NBPF20: variants seen among roughly 807,000 people sequenced by gnomAD.
NBPF20 encodes NBPF member 20.
A neutral mutation model predicts 68.1 loss-of-function variants in NBPF20; 90 were observed. The ratio of observed to expected loss-of-function variants is 1.32; its 90% CI spans 1.11 to 1.58. NBPF20 has a LOEUF of 1.58. NBPF20 is among the 40% of genes most tolerant of loss of function. The pLI, the probability that NBPF20 is intolerant of heterozygous loss-of-function variation, is 0.00. For synonymous variants in NBPF20, 290 were observed against 228.1 expected (o/e 1.27, Z -2.45); for missense variants, 816 against 601.2 (o/e 1.36, Z -3.74).
chr1:145,310,972 T>C (rs1661461634), intron 113 of NBPF20, 142 bp from the exon 119 acceptor site: 2 of 559,066 alleles, frequency 3.6e-6, no homozygotes, highest in African/African-American at 9.2e-5. Flanking sequence ...TTATTGCCTT[T>C]ATGTTGGGAT....
intron 75 of NBPF20, among the ~76,000 whole-genome samples, chr1:145,341,212 C>T (rs1475961429): frequency 6.9e-5 from 4 of 57,954 alleles, no homozygotes; most frequent in African/African-American, 2.2e-4. Context: ...AGGTGACATA[C>T]TGGTAAGGGA....
chr1:145,412,475 G>C, the NBPF20 span, among the ~76,000 whole-genome samples: 1 of 151,916 alleles, frequency 6.6e-6, no homozygotes, highest in Non-Finnish European at 1.5e-5. Flanking sequence ...ATTATAAACT[G>C]TATCATCTTA....
intron 7 of NBPF20, among the ~76,000 whole-genome samples, chr1:145,397,225 A>T (rs1437989627): frequency 2.0e-4 from 30 of 150,658 alleles, no homozygotes; most frequent in Middle Eastern, 3.4e-3. Flanking sequence ...GCCACAATAA[A>T]CATATGTGTG....
In NBPF20 at chr1:145,393,066, G is replaced by A. The variant is rs1266807179; in HGVS notation, c.1216+8C>T. 3.7e-6 allele frequency: 2 copies of A among 540,266 alleles called. No individual in the cohort carries two copies. Among genetic ancestry groups the A allele is most frequent in the Non-Finnish European group, 3.1e-6 (1 of 321,076 alleles). 33.5% of individuals were successfully genotyped at this position (540,266 alleles called of 1,614,324 possible). ...GGATCCTTATCACCTTCATAGAAAG[G>A]TACTCACCATCCATGTCAACAGCCA... On this transcript the variant is annotated splice_region_variant and intron_variant, in intron 10 of 137. Coordinates refer to ENST00000369373, the Ensembl canonical transcript of NBPF20.
At chr1:145,338,354 G>T (rs1267328351) in intron 79 of NBPF20, 100 bp downstream of exon 84, 15 of 1,540 alleles carry the variant, frequency 9.7e-3, no homozygotes, top group East Asian at 0.052. Flanking sequence ...CAGGCTTGCT[G>T]GAAAAGATGT....
chr1:145,298,341 C>A (rs1171296386), intron 129 of NBPF20, among the ~76,000 whole-genome samples: 3 of 140,674 alleles, frequency 2.1e-5, no homozygotes, highest in Admixed American at 1.4e-4. Context: ...GACACACACA[C>A]ACACACACAC....
intron 9 of NBPF20, 53 bp from the exon 15 acceptor site, chr1:145,393,299 C>T (rs1236735079): frequency 3.0e-6 from 2 of 670,654 alleles, no homozygotes; most frequent in East Asian, 2.7e-5. Context: ...AGAAACCACA[C>T]AGCCCCAGCT....
chr1:145,335,174 GT>G (rs1661573403), intron 83 of NBPF20, 67 bp downstream of exon 88: 2 of 280,456 alleles, frequency 7.1e-6, no homozygotes, highest in African/African-American at 8.4e-5. Context: ...ACACACTCTT[GT>G]TTTCCCTGGA....
intron 7 of NBPF20, among the ~76,000 whole-genome samples, chr1:145,396,737 T>C (rs1353448713): frequency 8.1e-6 from 1 of 123,898 alleles, no homozygotes; most frequent in East Asian, 2.3e-4. Flanking sequence ...TTTTCCTTTA[T>C]TATTTTTTGT....
the NBPF20 span, among the ~76,000 whole-genome samples, chr1:145,411,553 G>C: frequency 2.6e-3 from 215 of 81,764 alleles, 1 homozygote; most frequent in African/African-American, 0.01. Context: ...ACCATGCCTA[G>C]CTAATTTTTT....
chr1:145,334,877 G>C (rs1386212640), intron 83 of NBPF20, among the ~76,000 whole-genome samples: 5 of 138,192 alleles, frequency 3.6e-5, no homozygotes, highest in Non-Finnish European at 5.0e-5. Flanking sequence ...TAAGCTCAGC[G>C]AGTTGGCCGG....
intron 3 of NBPF20, 59 bp downstream of exon 8, chr1:145,403,157 G>T (rs199792937): frequency 3.7e-6 from 6 of 1,602,554 alleles, no homozygotes; most frequent in Non-Finnish European, 5.1e-6. Context: ...CCACCGAGCT[G>T]CTGTATTTCA....
intron 2 of NBPF20, among the ~76,000 whole-genome samples, chr1:145,403,807 G>T (rs1170041496): frequency 1.3e-5 from 2 of 151,486 alleles, no homozygotes; most frequent in African/African-American, 4.9e-5. Flanking sequence ...CTTCAGTTAT[G>T]ATTTTAAGAA....
At chr1:145,410,766 GTA>G in the NBPF20 span, among the ~76,000 whole-genome samples, 48 of 111,526 alleles carry the variant, frequency 4.3e-4, 1 homozygote, top group African/African-American at 7.9e-4. Flanking sequence ...ATATATATAC[GTA>G]TATATATATA....
At position 145,366,547 on chromosome 1, in the gene NBPF20, T is replaced by C. The variant is rs1298201684; in HGVS notation, c.5154-195A>G. ...GAAAAGAATGAAAGAGAAAGACAGA[T>C]AGACACACACACACACACACACACA... On this transcript the variant is annotated intron_variant, in intron 43 of 137. Coordinates refer to ENST00000369373, the Ensembl canonical transcript of NBPF20. Among the ~76,000 whole-genome samples, 144 of 80,568 alleles carry C rather than the reference T, an allele frequency of 1.8e-3. 1 individual carries two copies. The highest frequency in any genetic ancestry group is 2.5e-3 in the Non-Finnish European group (102 of 40,866). The allele number at this position is 80,568 out of a possible 152,430, so 52.9% of individuals were successfully genotyped here. A position where few individuals can be genotyped will look rare whatever the true frequency, so the allele number is the denominator to read the frequency against.
chr1:145,399,728 G>T, intron 6 of NBPF20, among the ~76,000 whole-genome samples: 1 of 130,758 alleles, frequency 7.6e-6, no homozygotes, highest in Non-Finnish European at 1.6e-5. Flanking sequence ...ACCAAGCCAA[G>T]ATGGTGCCAC....
intron 137 of NBPF20, among the ~76,000 whole-genome samples, chr1:145,292,065 C>A (rs587738562): frequency 6.7e-6 from 1 of 149,326 alleles, no homozygotes; most frequent in African/African-American, 2.6e-5. Context: ...GAGTTAGTGT[C>A]CTCATGACAC....
chr1:145,393,371 T>C (rs1168493819), intron 9 of NBPF20, 125 bp from the exon 15 acceptor site: 79 of 710,530 alleles, frequency 1.1e-4, no homozygotes, highest in African/African-American at 1.1e-3. Context: ...ATTAATGAGG[T>C]AAGAAATTAT....
chr1:145,422,293 A>T, the NBPF20 span, among the ~76,000 whole-genome samples: 1 of 150,772 alleles, frequency 6.6e-6, no homozygotes, highest in African/African-American at 2.4e-5. Context: ...CTCAAATAAC[A>T]TCTAATTCAA....
Sources: allele counts gnomAD v4.1 joint callset (sites outside exome capture counted in the v4.1 genomes callset), GRCh38; gene constraint gnomAD v4.1.1; transcripts MANE v1.5; gene names NCBI Gene and HGNC (gene_info 2026-07-23, HGNC 2026-07-21).